MAP3K8: variants seen among roughly 807,000 people sequenced by gnomAD.
MAP3K8 encodes the protein mitogen-activated protein kinase kinase kinase 8, also known as Ewing sarcoma transformant.
Under a neutral mutation model 45.8 loss-of-function variants are expected in MAP3K8, and 22 were observed. The observed-to-expected ratio is 0.48, with a 90% CI of 0.34 to 0.69. MAP3K8 has a LOEUF of 0.69. Ranked by LOEUF, MAP3K8 falls within the 30% of genes least tolerant of loss-of-function variation. The probability of loss-of-function intolerance (pLI) is 0.01; values close to 1 mark genes in which losing one functional copy is unlikely to be tolerated. For synonymous variants in MAP3K8, 223 were observed against 214.3 expected (o/e 1.04, Z -0.36); for missense variants, 419 against 585.0 (o/e 0.72, Z 2.93).
At chr10:30,451,131 C>A (rs183420573) in intron 5 of MAP3K8, among the ~76,000 whole-genome samples, 2 of 148,596 alleles carry the variant, frequency 1.3e-5, no homozygotes, top group East Asian at 3.9e-4. Flanking sequence ...TAAAAACATA[C>A]AAACACAGAG....
intron 3 of MAP3K8, among the ~76,000 whole-genome samples, chr10:30,444,210 C>T (rs1056286858): frequency 4.1e-4 from 62 of 151,346 alleles, no homozygotes; most frequent in African/African-American, 1.4e-3. Flanking sequence ...AAAATTTATA[C>T]GGGCCCCTAG....
chr10:30,460,929 G>T lies in MAP3K8; in HGVS notation c.*93G>T. ...ACAGGGGCCCTGTACAGTGAATGGT[G>T]CCATTTTCGAAGGAGCAGTGTGACC... On this transcript the variant is annotated 3_prime_UTR_variant, in exon 9 of 9. Coordinates refer to ENST00000263056, the MANE Select transcript of MAP3K8 (RefSeq NM_005204.4). The T allele has an allele frequency of 6.7e-7, 1 of 1,481,844 alleles. No homozygotes were observed. The highest frequency in any genetic ancestry group is 2.4e-5 in the East Asian group (1 of 41,422). The allele number at this position is 1,481,844 out of a possible 1,614,324, so 91.8% of individuals were successfully genotyped here.
intron 3 of MAP3K8, among the ~76,000 whole-genome samples, chr10:30,442,525 T>C (rs1203767342): frequency 2.0e-5 from 3 of 152,216 alleles, no homozygotes; most frequent in African/African-American, 7.2e-5. Context: ...ACAGGCATGT[T>C]CAGTGATTGT....
chr10:30,445,382 C>T (rs975881230), intron 3 of MAP3K8, among the ~76,000 whole-genome samples: 38 of 152,130 alleles, frequency 2.5e-4, no homozygotes, highest in African/African-American at 9.2e-4. Flanking sequence ...TGCACTCAAG[C>T]CTGGGTGACA....
intron 4 of MAP3K8, among the ~76,000 whole-genome samples, chr10:30,449,203 G>T (rs774951016): frequency 1.1e-4 from 16 of 152,132 alleles, no homozygotes; most frequent in Admixed American, 2.0e-4. Context: ...GGGGCCAAGA[G>T]GGGGGCTTCT....
Position 30,448,414 on chromosome 10 carries a change from TTTATTA to T in MAP3K8, c.504+495_504+500del, listed in dbSNP as rs1554773753. Among the ~76,000 whole-genome samples the T allele has an allele frequency of 3.0e-4, 41 of 136,440 alleles. 1 individual carries two copies. The highest frequency in any genetic ancestry group is 8.2e-4 in the African/African-American group (29 of 35,394). 89.5% of individuals were successfully genotyped at this position (136,440 alleles called of 152,430 possible). On this transcript the variant is annotated intron_variant, in intron 4 of 8. Transcript: ENST00000263056. ...ATGATTGAAAAGACCCTATCCCAAA[TTTATTA>T]TTATTATTATTATTATTATTATTAT...
At chr10:30,438,863 C>CAA (rs1835998667) in intron 2 of MAP3K8, 53 bp from the exon 3 acceptor site, 32 of 996,304 alleles carry the variant, frequency 3.2e-5, no homozygotes, top group Non-Finnish European at 4.7e-5. Context: ...TCCCATGGGT[C>CAA]TTGAATGCAA....
At chr10:30,454,691 C>T (rs901990483) in intron 6 of MAP3K8, among the ~76,000 whole-genome samples, 13 of 151,558 alleles carry the variant, frequency 8.6e-5, no homozygotes, top group Non-Finnish European at 2.9e-5. Flanking sequence ...TGAAAATGCT[C>T]GAGCGAGGAT....
intron 3 of MAP3K8, among the ~76,000 whole-genome samples, chr10:30,442,016 A>G (rs1836127610): frequency 6.6e-6 from 1 of 152,234 alleles, no homozygotes; most frequent in Admixed American, 6.5e-5. Context: ...AAATCCATCT[A>G]TATGATGTAT....
chr10:30,448,390 T>A (rs1836414821), intron 4 of MAP3K8, among the ~76,000 whole-genome samples: 1 of 148,606 alleles, frequency 6.7e-6, no homozygotes. Flanking sequence ...AATACATCAA[T>A]GATTGAAAAG....
At chr10:30,439,985 T>G (rs1328757998) in intron 3 of MAP3K8, among the ~76,000 whole-genome samples, 4 of 152,248 alleles carry the variant, frequency 2.6e-5, no homozygotes, top group Admixed American at 1.3e-4. Flanking sequence ...CATCTTGAAA[T>G]GTTATTAATT....
chr10:30,455,987 C>T (rs1836715894), intron 6 of MAP3K8, among the ~76,000 whole-genome samples: 1 of 152,176 alleles, frequency 6.6e-6, no homozygotes, highest in Non-Finnish European at 1.5e-5. Flanking sequence ...ACCAGGCTTA[C>T]AGATGTTCCA....
chr10:30,435,134 C>CT (rs1329601329), intron 1 of MAP3K8, among the ~76,000 whole-genome samples: 1 of 152,226 alleles, frequency 6.6e-6, no homozygotes, highest in African/African-American at 2.4e-5. Flanking sequence ...AGGCCACCGG[C>CT]TGCCTGTAAG....
rs375005917 is a variant in MAP3K8 at position 30,460,397 on chromosome 10, T to A, written c.1274-309T>A. Among the ~76,000 whole-genome samples the A allele has an allele frequency of 5.9e-5, 9 of 152,338 alleles. 1 individual carries two copies. The highest frequency in any genetic ancestry group is 2.2e-4 in the African/African-American group (9 of 41,590). On this transcript the variant is annotated intron_variant, in intron 8 of 8. Coordinates refer to ENST00000263056, the MANE Select transcript of MAP3K8 (RefSeq NM_005204.4). ...ATCCATTTAGGTCCAAACCGAGATG[T>A]CAAGCCTGGTGCGCTTGTTTATATT...
At chr10:30,459,161 A>G (rs1440125592) in intron 7 of MAP3K8, 94 bp from the exon 8 acceptor site, 15 of 1,386,508 alleles carry the variant, frequency 1.1e-5, no homozygotes, top group African/African-American at 1.4e-5. Flanking sequence ...GTGGTGGAAA[A>G]CGGATTACTT....
At chr10:30,449,243 T>C (rs1205843657) in intron 4 of MAP3K8, among the ~76,000 whole-genome samples, 2 of 152,124 alleles carry the variant, frequency 1.3e-5, no homozygotes, top group Non-Finnish European at 2.9e-5. Flanking sequence ...GTGTGTTTTT[T>C]CTGGTTTGTT....
chr10:30,453,248 A>G (rs1230023125), intron 6 of MAP3K8, among the ~76,000 whole-genome samples: 2 of 152,116 alleles, frequency 1.3e-5, no homozygotes, highest in African/African-American at 4.8e-5. Flanking sequence ...AATATTACAT[A>G]CATTATTAAA....
At chr10:30,453,405 T>A (rs901672183) in intron 6 of MAP3K8, among the ~76,000 whole-genome samples, 1 of 152,162 alleles carries the variant, frequency 6.6e-6, no homozygotes, top group Non-Finnish European at 1.5e-5. Flanking sequence ...TAAATGTATC[T>A]TATTTAAAGA....
chr10:30,440,160 C>G (rs924528169), intron 3 of MAP3K8, among the ~76,000 whole-genome samples: 1 of 152,208 alleles, frequency 6.6e-6, no homozygotes, highest in African/African-American at 2.4e-5. Flanking sequence ...AATAGTAGAT[C>G]AGGTGATGTG....
Sources: allele counts gnomAD v4.1 joint callset (sites outside exome capture counted in the v4.1 genomes callset), GRCh38; gene constraint gnomAD v4.1.1; transcripts MANE v1.5; gene names NCBI Gene and HGNC (gene_info 2026-07-23, HGNC 2026-07-21).